SUGP1: variants seen among roughly 807,000 people sequenced by gnomAD.
The protein encoded by SUGP1 is SURP and G-patch domain containing 1.
In SUGP1, 34 loss-of-function variants were observed where a neutral mutation model predicts 76.5. The observed-to-expected ratio is 0.44, with a 90% CI of 0.34 to 0.59. SUGP1 has a LOEUF of 0.59. Ranked by LOEUF, SUGP1 falls within the 20% of genes least tolerant of loss-of-function variation. The probability of loss-of-function intolerance (pLI) is 0.01; values close to 1 mark genes in which losing one functional copy is unlikely to be tolerated. For missense variants in SUGP1, 752 were observed against 851.7 expected (o/e 0.88, Z 1.46); for synonymous variants, 326 against 326.2 (o/e 1.00, Z 0.01).
intron 8 of SUGP1, among the ~76,000 whole-genome samples, chr19:19,291,828 G>C (rs1778953394): frequency 6.6e-6 from 1 of 151,338 alleles, no homozygotes; most frequent in South Asian, 2.1e-4. Flanking sequence ...GGGAGGCGGA[G>C]CTTGCAGTGA....
intron 7 of SUGP1, 177 bp downstream of exon 7, chr19:19,302,088 G>GCGTGC: frequency 1.0e-6 from 1 of 962,036 alleles, no homozygotes. Flanking sequence ...GCTGGTGTGT[G>GCGTGC]CGTGGGACAT....
intron 8 of SUGP1, among the ~76,000 whole-genome samples, chr19:19,295,481 G>A (rs2061217800): frequency 1.3e-5 from 2 of 151,846 alleles, no homozygotes; most frequent in South Asian, 4.2e-4. Flanking sequence ...GCACACGCCT[G>A]TAGTCCCAGC....
rs1268213979 is a variant in SUGP1 at position 19,320,455 on chromosome 19, G to A, written c.34+8C>T. ...GGCGGCCGCCTGAGAGGAGGCGGGG[G>A]CTGTTACCTGCAACATCCCGGTTGT... On this transcript the variant is annotated splice_region_variant and intron_variant, in intron 1 of 13. Coordinates refer to ENST00000247001, the MANE Select transcript of SUGP1 (RefSeq NM_172231.4). 1.9e-6 allele frequency: 3 copies of A among 1,610,096 alleles called. No individual in the cohort carries two copies. Among genetic ancestry groups the A allele is most frequent in the East Asian group, 4.5e-5 (2 of 44,704 alleles).
At chr19:19,283,473 G>A (rs532055312) in intron 8 of SUGP1, among the ~76,000 whole-genome samples, 1 of 148,190 alleles carries the variant, frequency 6.7e-6, no homozygotes, top group East Asian at 2.0e-4. Context: ...TTCTGTTTTT[G>A]AGACAGAGTC....
At chr19:19,307,114 G>T (rs2061323497) in intron 3 of SUGP1, among the ~76,000 whole-genome samples, 1 of 152,000 alleles carries the variant, frequency 6.6e-6, no homozygotes, top group Non-Finnish European at 1.5e-5. Flanking sequence ...TGCAATCATG[G>T]TTCACTGCAG....
chr19:19,316,433 T>G lies in SUGP1; in HGVS notation c.195A>C (p.Pro65=). Residue 65 remains proline (P), a synonymous_variant, in exon 2 of 14, where the codon CCA becomes CCC. Coordinates refer to ENST00000247001, the MANE Select transcript of SUGP1 (RefSeq NM_172231.4). ...CAGCAGGCACTTACTCGCCAGGATG[T>G]GGGGGCTGAGGGCTGGCCACCTGAT... ...KQNQVASPQP[P]HPGEITNAHN... The G allele has an allele frequency of 6.2e-7, 1 of 1,613,940 alleles. No individual in the cohort carries two copies. The highest frequency in any genetic ancestry group is 8.5e-7 in the Non-Finnish European group (1 of 1,179,996).
intron 8 of SUGP1, among the ~76,000 whole-genome samples, chr19:19,287,930 C>T (rs1009346298): frequency 1.5e-4 from 23 of 152,200 alleles, no homozygotes; most frequent in Non-Finnish European, 3.4e-4. Flanking sequence ...TCCACCTCTT[C>T]GGCAGCAAGA....
chr19:19,319,702 G>GTC (rs2061423817), intron 1 of SUGP1, among the ~76,000 whole-genome samples: 3 of 90,906 alleles, frequency 3.3e-5, no homozygotes, highest in Non-Finnish European at 4.0e-5. Context: ...GTGAGACCCT[G>GTC]TCTCAAAAAA....
At chr19:19,305,696 C>A in intron 4 of SUGP1, 153 bp downstream of exon 4, 1 of 717,726 alleles carries the variant, frequency 1.4e-6, no homozygotes, top group South Asian at 2.0e-5. Context: ...CTCTCCTCAC[C>A]TCAGAGGGCC....
At position 19,310,173 on chromosome 19, in the gene SUGP1, G is replaced by A. The variant is rs2061343765; in HGVS notation, c.234C>T (p.Cys78=). 1 of 1,613,556 alleles carries A rather than the reference G, an allele frequency of 6.2e-7. No individual in the cohort carries two copies. Among genetic ancestry groups the A allele is most frequent in the African/African-American group, 1.3e-5 (1 of 74,914 alleles). The change falls in exon 3 of 14, where the codon TGC becomes TGT. Residue 78 remains cysteine, a synonymous_variant. Coordinates refer to ENST00000247001, the MANE Select transcript of SUGP1 (RefSeq NM_172231.4). ...CATCGTTGGCAAACTTGTTGGAAAT[G>A]CAGGAAGAGTTGTGTGCATTTGTGA... is the stretch of plus-strand genomic sequence containing the variant. ...GEITNAHNSS[C]ISNKFANDGS...
chr19:19,280,094 A>G (rs555584920), intron 9 of SUGP1, 91 bp downstream of exon 9: 6 of 1,266,434 alleles, frequency 4.7e-6, no homozygotes, highest in Non-Finnish European at 6.7e-6. Context: ...GGCGAAGCAC[A>G]TGAACCCCTG....
intron 8 of SUGP1, among the ~76,000 whole-genome samples, chr19:19,283,261 T>C (rs1450111724): frequency 6.6e-6 from 1 of 152,044 alleles, no homozygotes. Flanking sequence ...AATGTAAAGA[T>C]GGTAGATGAA....
At chr19:19,293,850 G>A (rs967827971) in intron 8 of SUGP1, among the ~76,000 whole-genome samples, 3 of 152,170 alleles carry the variant, frequency 2.0e-5, no homozygotes, top group Admixed American at 6.5e-5. Flanking sequence ...AACTATTTCT[G>A]TTTGCAGATA....
At chr19:19,293,554 G>A (rs2146605095) in intron 8 of SUGP1, among the ~76,000 whole-genome samples, 1 of 149,996 alleles carries the variant, frequency 6.7e-6, no homozygotes, top group Non-Finnish European at 1.5e-5. Context: ...ACTCCAGCCT[G>A]CACATCAGAG....
chr19:19,308,151 C>T (rs150699804), intron 3 of SUGP1, among the ~76,000 whole-genome samples: 106 of 152,220 alleles, frequency 7.0e-4, no homozygotes, highest in Non-Finnish European at 9.9e-4. Context: ...CCATCTCAGC[C>T]CCCCCATTAG....
chr19:19,276,834 G>T, intron 13 of SUGP1, 113 bp downstream of exon 13: 1 of 1,553,204 alleles, frequency 6.4e-7, no homozygotes, highest in Non-Finnish European at 8.7e-7. Flanking sequence ...GGTGGTAGGG[G>T]GCTCGCTGGT....
chr19:19,294,578 C>T (rs993661081), intron 8 of SUGP1, among the ~76,000 whole-genome samples: 2 of 151,068 alleles, frequency 1.3e-5, no homozygotes, highest in Middle Eastern at 3.4e-3. Flanking sequence ...ACAAAACTCT[C>T]GGTAGGAAAC....
chr19:19,316,405 C>T lies in SUGP1; in HGVS notation c.206+17G>A, dbSNP rs2061394302. Reference sequence around the variant, plus strand: ...GACTCACATCCAGGCCCCATCCAGGCCCCAGCAGGCACTTACTCGCCAGGA... The same window carrying T: ...GACTCACATCCAGGCCCCATCCAGGTCCCAGCAGGCACTTACTCGCCAGGA... On this transcript the variant is annotated intron_variant, in intron 2 of 13. Transcript: ENST00000247001. 1.9e-6 allele frequency: 3 copies of T among 1,613,666 alleles called. No individual in the cohort carries two copies. The highest frequency in any genetic ancestry group is 2.5e-6 in the Non-Finnish European group (3 of 1,179,792).
intron 9 of SUGP1, 113 bp downstream of exon 9, chr19:19,280,072 A>C: frequency 9.4e-7 from 1 of 1,067,970 alleles, no homozygotes; most frequent in Non-Finnish European, 1.4e-6. Context: ...TTCCACCTGA[A>C]CACAGGAGCT....
Sources: allele counts gnomAD v4.1 joint callset (sites outside exome capture counted in the v4.1 genomes callset), GRCh38; gene constraint gnomAD v4.1.1; transcripts MANE v1.5; gene names NCBI Gene and HGNC (gene_info 2026-07-23, HGNC 2026-07-21).